Variants in GALNTL6 observed in about 807,000 individuals in gnomAD.
GALNTL6 encodes the protein polypeptide N-acetylgalactosaminyltransferase like 6, also known as polypeptide N-acetylgalactosaminyltransferase-like 6.
In GALNTL6, 46 loss-of-function variants were observed where a neutral mutation model predicts 73.7. The observed-to-expected ratio is 0.62, with a 90% CI of 0.49 to 0.80. GALNTL6 has a LOEUF of 0.80. Ranked by LOEUF, GALNTL6 falls within the 30% of genes least tolerant of loss-of-function variation. GALNTL6 has a pLI of 0.00. For missense variants in GALNTL6, 604 were observed against 755.0 expected, an observed-to-expected ratio of 0.80 and a Z score of 2.34; for synonymous variants, 259 against 263.7, an observed-to-expected ratio of 0.98 and a Z score of 0.17.
chr4:172,805,131 G>A (rs1342610190), intron 5 of GALNTL6, among the ~76,000 whole-genome samples: 1 of 152,076 alleles, frequency 6.6e-6, no homozygotes. Context: ...GGAAAATGAG[G>A]TCATATGGTG....
chr4:172,257,737 T>C (rs985097936), intron 3 of GALNTL6, among the ~76,000 whole-genome samples: 4 of 151,348 alleles, frequency 2.6e-5, no homozygotes, highest in Non-Finnish European at 5.9e-5. Context: ...ATTAGGTCTT[T>C]CATCTGTCTC....
At chr4:172,348,982 A>G (rs333397) in intron 5 of GALNTL6, among the ~76,000 whole-genome samples, 14,610 of 152,208 alleles carry the variant, frequency 0.096, 798 homozygotes, top group East Asian at 0.18. Flanking sequence ...CAACACTGTA[A>G]AATATATTAT....
rs1229473940 is a variant in GALNTL6, at chr4:172,391,119, G to C, written c.553+42430G>C. ...CATTGTGGATGTGGGCAACTGTCTT[G>C]GTCCATGTGTGCTGCTATAACAAAA... On this transcript the variant is annotated intron_variant, in intron 5 of 12. Transcript: ENST00000506823. Among the ~76,000 whole-genome samples, 3 of 152,220 alleles carry C rather than the reference G, an allele frequency of 2.0e-5. No homozygotes were observed. In the East Asian group the frequency reaches 5.8e-4, roughly 29 times the overall value.
intron 5 of GALNTL6, among the ~76,000 whole-genome samples, chr4:172,704,136 A>T (rs1274843882): frequency 2.0e-5 from 3 of 151,768 alleles, no homozygotes; most frequent in Admixed American, 1.3e-4. Context: ...TTATATTTTT[A>T]AAAAACCAAC....
intron 11 of GALNTL6, among the ~76,000 whole-genome samples, chr4:173,011,226 G>A (rs116184928): frequency 0.014 from 2,204 of 152,262 alleles, 22 homozygotes; most frequent in Non-Finnish European, 0.023. Flanking sequence ...ACATAGAGTT[G>A]TTTGAGCTCC....
chr4:172,787,103 A>G lies in GALNTL6; in HGVS notation c.554-22258A>G, dbSNP rs1739704492. 4.6e-5 allele frequency among the ~76,000 whole-genome samples: 7 copies of G among 152,212 alleles called. No homozygotes were observed. The South Asian group carries it at 1.4e-3, about 31-fold the overall frequency. ...AGAGAAAGTAAATAACAGAACAAGC[A>G]GGGGAAAACACAAAATTCCAGGAAA... On this transcript the variant is annotated intron_variant, in intron 5 of 12. Transcript: ENST00000506823.
intron 5 of GALNTL6, among the ~76,000 whole-genome samples, chr4:172,688,892 A>G (rs1490632274): frequency 6.6e-6 from 1 of 152,152 alleles, no homozygotes; most frequent in Non-Finnish European, 1.5e-5. Flanking sequence ...TTTACCTGCC[A>G]AAGACAGACA....
intron 3 of GALNTL6, among the ~76,000 whole-genome samples, chr4:172,236,341 C>T (rs946756219): frequency 3.9e-5 from 6 of 152,014 alleles, no homozygotes; most frequent in Admixed American, 1.3e-4. Flanking sequence ...AGGCGGATCA[C>T]GAGGTGAGGA....
intron 2 of GALNTL6, among the ~76,000 whole-genome samples, chr4:171,825,738 C>T (rs1276538291): frequency 6.6e-6 from 1 of 152,078 alleles, no homozygotes; most frequent in Non-Finnish European, 1.5e-5. Context: ...CCTCCTTTTC[C>T]TTTAAAAGAC....
rs143539644 is a variant in GALNTL6, at chr4:172,809,520, A to G, written c.713A>G (p.Asn238Ser). ...LTFLDSHCEVNVNWLPPLLNQ... is the reference protein window; with the variant it reads ...LTFLDSHCEVSVNWLPPLLNQ... ...TTCCTGGACTCCCACTGCGAGGTCAATGTGAACTGGCTGCCCCCACTCCTC... is the reference window on the plus strand; with the variant it reads ...TTCCTGGACTCCCACTGCGAGGTCAGTGTGAACTGGCTGCCCCCACTCCTC... Residue 238 changes from asparagine to serine, a missense_variant, in exon 6 of 13, where the codon AAT (asparagine) becomes AGT (serine). Transcript: ENST00000506823. This position sits in a 1 kb window ranked among gnomAD's most constrained non-coding sequence, Gnocchi z 4.4. 5.0e-6 allele frequency: 8 copies of G among 1,613,210 alleles called. No individual in the cohort carries two copies. The highest frequency in any genetic ancestry group is 1.3e-5 in the African/African-American group (1 of 74,884).
At chr4:172,659,723 A>G (rs982726495) in intron 5 of GALNTL6, among the ~76,000 whole-genome samples, 22 of 152,228 alleles carry the variant, frequency 1.4e-4, no homozygotes, top group African/African-American at 4.6e-4. Context: ...ATTCAATTCT[A>G]TAAGTGTTGA....
At chr4:172,783,832 T>G (rs1739506804) in intron 5 of GALNTL6, among the ~76,000 whole-genome samples, 1 of 152,116 alleles carries the variant, frequency 6.6e-6, no homozygotes, top group African/African-American at 2.4e-5. Flanking sequence ...AAGAATTATA[T>G]TTTAGTAGCC....
intron 5 of GALNTL6, among the ~76,000 whole-genome samples, chr4:172,459,764 C>T (rs1478199298): frequency 2.0e-5 from 3 of 151,966 alleles, no homozygotes; most frequent in South Asian, 4.1e-4. Context: ...GAAGAATCAA[C>T]GTTGTCAAAA....
intron 10 of GALNTL6, among the ~76,000 whole-genome samples, chr4:173,005,724 G>A (rs1752249315): frequency 6.6e-6 from 1 of 152,050 alleles, no homozygotes; most frequent in Non-Finnish European, 1.5e-5. Flanking sequence ...AGGAAGAGCT[G>A]GATATTAATC....
intron 7 of GALNTL6, among the ~76,000 whole-genome samples, chr4:172,859,578 GTAACTATCCACTA>G (rs1159814653): frequency 6.6e-6 from 1 of 152,044 alleles, no homozygotes; most frequent in Admixed American, 6.6e-5. Flanking sequence ...CAAAAAATTA[GTAACTATCCACTA>G]TAACTATCCA....
chr4:172,808,389 T>G (rs1357968413), intron 5 of GALNTL6, among the ~76,000 whole-genome samples: 2 of 152,182 alleles, frequency 1.3e-5, no homozygotes, highest in Non-Finnish European at 2.9e-5. Context: ...TTAATAATAT[T>G]GCCTTTGATT....
chr4:172,318,092 C>T (rs1740627604), intron 4 of GALNTL6, among the ~76,000 whole-genome samples: 1 of 152,142 alleles, frequency 6.6e-6, no homozygotes, highest in African/African-American at 2.4e-5. Context: ...CAGGTAGAAG[C>T]CATCTCTCAA....
intron 5 of GALNTL6, among the ~76,000 whole-genome samples, chr4:172,793,967 T>C (rs72998173): frequency 6.6e-6 from 1 of 152,110 alleles, no homozygotes; most frequent in Non-Finnish European, 1.5e-5. Context: ...CACCATTTAT[T>C]TATTGCTTGG....
At chr4:171,988,871 T>TG (rs1242175950) in intron 2 of GALNTL6, among the ~76,000 whole-genome samples, 1 of 151,938 alleles carries the variant, frequency 6.6e-6, no homozygotes, top group Non-Finnish European at 1.5e-5. Context: ...CTTATACTTG[T>TG]GGCTTAAGGT....
Sources: gnomAD v4.1 joint callset for allele counts (sites outside exome capture counted in the v4.1 genomes callset) on GRCh38, gnomAD v4.1.1 for gene constraint, Gnocchi (gnomAD v3.1) non-coding constraint, MANE v1.5 for transcripts, NCBI Gene and HGNC (gene_info 2026-07-23, HGNC 2026-07-21) for gene names.